The following PHYHIPL variants were observed in gnomAD, a reference collection of about 807,000 sequenced individuals.
The protein encoded by PHYHIPL is phytanoyl-CoA hydroxylase-interacting protein-like.
PHYHIPL carries 9 observed loss-of-function variants against 33.4 expected under a neutral mutation model. That is an observed-to-expected ratio of 0.27 (90% confidence interval 0.16 to 0.47). The LOEUF (loss-of-function observed/expected upper bound fraction) is 0.47, where lower values mean the gene tolerates loss of function less well. PHYHIPL is among the 20% of genes least tolerant of loss of function. The probability of loss-of-function intolerance (pLI) is 0.99; values close to 1 mark genes in which losing one functional copy is unlikely to be tolerated. For missense variants in PHYHIPL, 365 were observed against 460.7 expected (o/e 0.79, Z 1.90); for synonymous variants, 153 against 154.1 (o/e 0.99, Z 0.05).
intron 1 of PHYHIPL, among the ~76,000 whole-genome samples, chr10:59,192,935 C>T (rs1332587072): frequency 6.6e-6 from 1 of 152,110 alleles, no homozygotes; most frequent in East Asian, 1.9e-4. Flanking sequence ...TGGAAATTTT[C>T]AGAAGGCTGT....
intron 1 of PHYHIPL, among the ~76,000 whole-genome samples, chr10:59,208,432 A>G (rs2133233219): frequency 6.6e-6 from 1 of 152,302 alleles, no homozygotes. Context: ...CACCAATATC[A>G]AGGACCAAAG....
chr10:59,186,880 T>C (rs1236414647), intron 1 of PHYHIPL, among the ~76,000 whole-genome samples: 1 of 152,202 alleles, frequency 6.6e-6, no homozygotes, highest in Admixed American at 6.5e-5. Context: ...CAATGGGGTT[T>C]TCTAGATATA....
At chr10:59,177,558 T>C in intron 1 of PHYHIPL, 4 of 1,551,740 alleles carry the variant, frequency 2.6e-6, no homozygotes, top group Non-Finnish European at 1.7e-6. Flanking sequence ...TCCTGGGCTC[T>C]GAGTCAGACT....
At chr10:59,214,938 A>T (rs2133246685) in intron 1 of PHYHIPL, among the ~76,000 whole-genome samples, 1 of 152,200 alleles carries the variant, frequency 6.6e-6, no homozygotes, top group South Asian at 2.1e-4. Flanking sequence ...TTCTAGATGG[A>T]TACAGATAAA....
chr10:59,230,784 T>C (rs562449369), intron 1 of PHYHIPL, among the ~76,000 whole-genome samples: 1 of 152,284 alleles, frequency 6.6e-6, no homozygotes, highest in African/African-American at 2.4e-5. Context: ...CATGTAATAT[T>C]TACATTGGTT....
chr10:59,228,702 A>AG (rs1706417526), intron 1 of PHYHIPL, among the ~76,000 whole-genome samples: 1 of 152,162 alleles, frequency 6.6e-6, no homozygotes, highest in Non-Finnish European at 1.5e-5. Flanking sequence ...ATAAAACATG[A>AG]GAAAGTTGCT....
chr10:59,201,223 C>T (rs1589269719), intron 1 of PHYHIPL, among the ~76,000 whole-genome samples: 1 of 152,176 alleles, frequency 6.6e-6, no homozygotes, highest in East Asian at 1.9e-4. Flanking sequence ...CTACACAATG[C>T]TTTGAATGTG....
Position 59,247,091 on chromosome 10 carries a change from G to A in PHYHIPL, c.*1500G>A, listed in dbSNP as rs973243530. 1 of 156,266 alleles carries A rather than the reference G, an allele frequency of 6.4e-6. No individual in the cohort carries two copies. Among genetic ancestry groups the A allele is most frequent in the African/African-American group, 2.4e-5 (1 of 41,566 alleles). The allele number at this position is 156,266 out of a possible 1,614,324, so 9.7% of individuals were successfully genotyped here. A position where few individuals can be genotyped will look rare whatever the true frequency, so the allele number is the denominator to read the frequency against. ...TTTATTTTAGGGTACTGAGAGCCTA[G>A]CAGACTTAAAGGACAAGGTAGTAAA... is the stretch of plus-strand genomic sequence containing the variant. On this transcript the variant is annotated 3_prime_UTR_variant, in exon 5 of 5. Transcript: ENST00000373880.
chr10:59,227,969 T>C (rs1292878813), intron 1 of PHYHIPL, among the ~76,000 whole-genome samples: 1 of 150,048 alleles, frequency 6.7e-6, no homozygotes, highest in Non-Finnish European at 1.5e-5. Context: ...AATTTTTGCC[T>C]ATTGAGATAT....
chr10:59,233,878 G>A (rs1490526940), intron 1 of PHYHIPL, among the ~76,000 whole-genome samples: 3 of 151,728 alleles, frequency 2.0e-5, no homozygotes, highest in African/African-American at 4.8e-5. Flanking sequence ...TCTATATAAT[G>A]CTTCCAAAAT....
intron 4 of PHYHIPL, among the ~76,000 whole-genome samples, chr10:59,241,927 A>AGG (rs2133301076): frequency 6.6e-6 from 1 of 152,304 alleles, no homozygotes; most frequent in East Asian, 1.9e-4. Context: ...CTTTACCCAC[A>AGG]GGATTGGGAA....
chr10:59,214,678 T>C (rs1051580874), intron 1 of PHYHIPL, among the ~76,000 whole-genome samples: 1 of 152,086 alleles, frequency 6.6e-6, no homozygotes, highest in Admixed American at 6.6e-5. Context: ...CCTATAGTAC[T>C]GAATTTGAAT....
intron 1 of PHYHIPL, among the ~76,000 whole-genome samples, chr10:59,222,076 T>G (rs1194493532): frequency 1.3e-5 from 2 of 152,136 alleles, no homozygotes; most frequent in East Asian, 3.9e-4. Context: ...TCATCATTGG[T>G]GAAGAATAAA....
At chr10:59,205,485 CA>C (rs1839259169) in intron 1 of PHYHIPL, among the ~76,000 whole-genome samples, 1 of 152,114 alleles carries the variant, frequency 6.6e-6, no homozygotes, top group South Asian at 2.1e-4. Flanking sequence ...TTAATGTAGT[CA>C]CCTATTTTGT....
At chr10:59,229,124 A>G (rs948143458) in intron 1 of PHYHIPL, among the ~76,000 whole-genome samples, 8 of 152,324 alleles carry the variant, frequency 5.3e-5, no homozygotes, top group African/African-American at 1.9e-4. Flanking sequence ...AAATTGGGGT[A>G]TCCACTTCAT....
rs1840670496 is a variant in PHYHIPL at position 59,246,041 on chromosome 10, T to C, written c.*450T>C. On this transcript the variant is annotated 3_prime_UTR_variant, in exon 5 of 5. Coordinates refer to ENST00000373880, the MANE Select transcript of PHYHIPL (RefSeq NM_032439.4). ...ATGAGTTAAATCTTGAAGCCTAGAA[T>C]TGTCAGCACTTCCAACTTCTTGTTT... is the stretch of plus-strand genomic sequence containing the variant. 6.5e-6 allele frequency: 1 copy of C among 154,350 alleles called. No individual in the cohort carries two copies. Among genetic ancestry groups the C allele is most frequent in the Non-Finnish European group, 1.4e-5 (1 of 69,230 alleles). 9.6% of individuals were successfully genotyped at this position (154,350 alleles called of 1,614,324 possible).
chr10:59,233,584 A>T (rs1368534057), intron 1 of PHYHIPL, among the ~76,000 whole-genome samples: 1 of 151,798 alleles, frequency 6.6e-6, no homozygotes, highest in African/African-American at 2.4e-5. Flanking sequence ...TGATCCATCA[A>T]ATCCTGCTCT....
Position 59,245,220 on chromosome 10 carries a change from A to T in PHYHIPL, c.760A>T (p.Ile254Phe). The change falls in exon 5 of 5, where the codon ATT (isoleucine) becomes TTT (phenylalanine). Residue 254 changes from isoleucine to phenylalanine, a missense_variant. Physicochemically the swap from Ile to Phe is conservative, Grantham distance 21. Coordinates refer to ENST00000373880, the MANE Select transcript of PHYHIPL (RefSeq NM_032439.4). ...DSPYGRYRFEIAAEKLFNPNT... is the reference protein window; with the variant it reads ...DSPYGRYRFEFAAEKLFNPNT... ...ACCTTATGGAAGATACAGGTTTGAG[A>T]TTGCCGCAGAAAAACTTTTTAACCC... is the stretch of plus-strand genomic sequence containing the variant. The T allele has an allele frequency of 6.2e-7, 1 of 1,614,144 alleles. No individual in the cohort carries two copies. Among genetic ancestry groups the T allele is most frequent in the South Asian group, 1.1e-5 (1 of 91,088 alleles).
At chr10:59,199,138 A>G (rs1388069501) in intron 1 of PHYHIPL, among the ~76,000 whole-genome samples, 2 of 152,154 alleles carry the variant, frequency 1.3e-5, no homozygotes, top group East Asian at 1.9e-4. Flanking sequence ...GCCCATGCCT[A>G]TGTCCTGAAT....
Sources: allele counts gnomAD v4.1 joint callset (sites outside exome capture counted in the v4.1 genomes callset), GRCh38; gene constraint gnomAD v4.1.1; transcripts MANE v1.5; gene names NCBI Gene and HGNC (gene_info 2026-07-23, HGNC 2026-07-21).